VSTM2A: variants seen among roughly 807,000 people sequenced by gnomAD.
VSTM2A encodes the protein V-set and transmembrane domain-containing protein 2A.
A neutral mutation model predicts 27.3 loss-of-function variants in VSTM2A; 13 were observed. That is an observed-to-expected ratio of 0.48 (90% CI 0.31 to 0.76). VSTM2A has a LOEUF of 0.76. Among genes scored for constraint, VSTM2A ranks in the 30% least tolerant of loss-of-function variants. The pLI is 0.05. For synonymous variants in VSTM2A, 142 were observed against 125.7 expected, an observed-to-expected ratio of 1.13 and a Z score of -0.87; for missense variants, 280 against 310.0, an observed-to-expected ratio of 0.90 and a Z score of 0.73.
At chr7:54,546,916 G>T (rs1314450388) in intron 2 of VSTM2A, 31 bp from the exon 3 acceptor site, 1 of 1,597,324 alleles carries the variant, frequency 6.3e-7, no homozygotes. Context: ...CGGGCCTGGC[G>T]CGGGACTGAG....
intron 4 of VSTM2A, chr7:54,559,944 GAAAA>G (rs557080144): frequency 6.6e-6 from 1 of 151,686 alleles, no homozygotes; most frequent in East Asian, 1.9e-4. Context: ...AAAAATAAAA[GAAAA>G]AAAGAAAATG....
rs747010934 is a variant in VSTM2A, at chr7:54,546,956, T to G, written c.256T>G (p.Leu86Val). Residue 86 changes from leucine (L) to valine (V), a missense_variant, in exon 3 of 5, where the codon TTG (leucine) becomes GTG (valine). Leu to Val is a conservative substitution (Grantham distance 32, BLOSUM62 1). Coordinates refer to ENST00000402613, the MANE Select transcript of VSTM2A (RefSeq NM_001301009.2). The stretch of plus-strand genomic sequence containing the variant: ...CGCTCCTTGCCCGCAGGTGGAGCTC[T>G]TGCCCGACAGAGACCCGGACAGCGA... ...AEGAGAQVEL[L>V]PDRDPDSDGT... is the part of the protein sequence containing the mutation. 5.0e-6 allele frequency: 8 copies of G among 1,597,572 alleles called. No individual in the cohort carries two copies. The East Asian group carries it at 1.9e-4, about 37-fold the overall frequency.
intron 2 of VSTM2A, among the ~76,000 whole-genome samples, chr7:54,545,161 A>G (rs490207): frequency 0.28 from 41,807 of 147,988 alleles, 5,925 homozygotes; most frequent in African/African-American, 0.33. Flanking sequence ...TCCACCCCCC[A>G]CCCCACCCCC....
At chr7:54,544,028 C>T (rs946951072) in intron 1 of VSTM2A, among the ~76,000 whole-genome samples, 1 of 152,112 alleles carries the variant, frequency 6.6e-6, no homozygotes, top group Non-Finnish European at 1.5e-5. Context: ...AATACAGTGA[C>T]TTGATGGGAA....
Position 54,569,406 on chromosome 7 carries a change from A to C in VSTM2A, c.*187A>C. On this transcript the variant is annotated 3_prime_UTR_variant, in exon 5 of 5. Transcript: ENST00000402613. ...TTCTTTCGGCGACTAAAATCATCTC[A>C]CTGACTGCTCAAGGGTTGGCCTGAA... is the stretch of plus-strand genomic sequence containing the variant. 7 of 1,028,442 alleles carry C rather than the reference A, an allele frequency of 6.8e-6. No homozygotes were observed. The highest frequency in any genetic ancestry group is 9.6e-6 in the Non-Finnish European group (7 of 730,528). The allele number at this position is 1,028,442 out of a possible 1,614,324, so 63.7% of individuals were successfully genotyped here. A position where few individuals can be genotyped will look rare whatever the true frequency, so the allele number is the denominator to read the frequency against.
chr7:54,544,440 T>C (rs1394699959), intron 1 of VSTM2A, among the ~76,000 whole-genome samples, 182 bp from the exon 2 acceptor site: 1 of 152,126 alleles, frequency 6.6e-6, no homozygotes, highest in Non-Finnish European at 1.5e-5. Context: ...TTAGGTATGA[T>C]ACCAAAAGTT....
At chr7:54,548,958 T>C (rs1447478295) in intron 3 of VSTM2A, among the ~76,000 whole-genome samples, 1 of 151,214 alleles carries the variant, frequency 6.6e-6, no homozygotes, top group East Asian at 1.9e-4. Flanking sequence ...GTCTCAGTTA[T>C]GAAGAACATA....
chr7:54,554,258 C>T (rs79014739), intron 4 of VSTM2A, among the ~76,000 whole-genome samples: 2,827 of 152,216 alleles, frequency 0.019, 85 homozygotes, highest in African/African-American at 0.064. Flanking sequence ...TATTTACTGG[C>T]TCCTAGCATT....
chr7:54,554,041 C>T, intron 4 of VSTM2A: 1 of 1,553,022 alleles, frequency 6.4e-7, no homozygotes, highest in Non-Finnish European at 8.7e-7. Context: ...GGATCAACCC[C>T]TGGTGTGCAG....
At chr7:54,565,477 G>A (rs11982485) in intron 4 of VSTM2A, among the ~76,000 whole-genome samples, 53 of 152,352 alleles carry the variant, frequency 3.5e-4, no homozygotes, top group Non-Finnish European at 6.8e-4. Context: ...GGAAAAAATG[G>A]TAGCACAGAC....
chr7:54,542,866 A>G (rs1787830131), intron 1 of VSTM2A, 57 bp downstream of exon 1: 2 of 1,510,306 alleles, frequency 1.3e-6, no homozygotes, highest in Non-Finnish European at 1.8e-6. Context: ...TGTTTCCTAC[A>G]CTCAAAAAGA....
At chr7:54,545,050 A>G (rs1787901165) in intron 2 of VSTM2A, among the ~76,000 whole-genome samples, 1 of 152,182 alleles carries the variant, frequency 6.6e-6, no homozygotes. Context: ...TCTGGTACTT[A>G]GGCAGATGCC....
At chr7:54,563,222 A>G (rs892040982) in intron 4 of VSTM2A, among the ~76,000 whole-genome samples, 8 of 152,296 alleles carry the variant, frequency 5.3e-5, no homozygotes, top group Non-Finnish European at 8.8e-5. Flanking sequence ...TATGATGCAA[A>G]TATTTGTACC....
In VSTM2A at chr7:54,569,225, T is replaced by G. The variant is rs1788818247; in HGVS notation, c.*6T>G. 6.4e-7 allele frequency: 1 copy of G among 1,551,530 alleles called. No homozygotes were observed. The highest frequency in any genetic ancestry group is 1.4e-5 in the African/African-American group (1 of 73,052). On this transcript the variant is annotated 3_prime_UTR_variant, in exon 5 of 5. Transcript: ENST00000402613. ...CTGCACCCACTGTACTCTAATTCAC[T>G]ACACAAGGAGCGCCTGCTTCCGGAA... is the stretch of plus-strand genomic sequence containing the variant.
At chr7:54,544,047 G>A (rs889292943) in intron 1 of VSTM2A, among the ~76,000 whole-genome samples, 2 of 152,186 alleles carry the variant, frequency 1.3e-5, no homozygotes, top group African/African-American at 4.8e-5. Context: ...AACAAATAAA[G>A]GTTAATTTGG....
chr7:54,567,786 A>C (rs1209085069), intron 4 of VSTM2A, among the ~76,000 whole-genome samples: 1 of 152,068 alleles, frequency 6.6e-6, no homozygotes, highest in African/African-American at 2.4e-5. Flanking sequence ...CATTAAATGA[A>C]TCCCTGTCAA....
chr7:54,542,499 C>T lies in VSTM2A; in HGVS notation c.-232C>T, dbSNP rs1400743243. 9.3e-6 allele frequency: 5 copies of T among 540,370 alleles called. No individual in the cohort carries two copies. Among genetic ancestry groups the T allele is most frequent in the African/African-American group, 1.9e-5 (1 of 51,852 alleles). 33.5% of individuals were successfully genotyped at this position (540,370 alleles called of 1,614,324 possible). A position where few individuals can be genotyped will look rare whatever the true frequency, so the allele number is the denominator to read the frequency against. Reference sequence around the variant, plus strand: ...GCCAGGCAGCCGAGACACTTCCCAGCGATTCCAGCCTGGGCTCCGCAGGAA... The same window carrying T: ...GCCAGGCAGCCGAGACACTTCCCAGTGATTCCAGCCTGGGCTCCGCAGGAA... On this transcript the variant is annotated 5_prime_UTR_variant, in exon 1 of 5. Coordinates refer to ENST00000402613, the MANE Select transcript of VSTM2A (RefSeq NM_001301009.2).
At chr7:54,546,360 C>G (rs1002020678) in intron 2 of VSTM2A, 61 of 164,968 alleles carry the variant, frequency 3.7e-4, no homozygotes, top group African/African-American at 1.4e-3. Context: ...GAAGGGGGTC[C>G]GGGCGAGGGA....
chr7:54,546,679 G>GCCGGGACAGCC (rs1469273526), intron 2 of VSTM2A: 3 of 259,776 alleles, frequency 1.2e-5, no homozygotes, highest in South Asian at 7.1e-5. Context: ...CAGGGACAGC[G>GCCGGGACAGCC]CCGGGACAGC....
Sources: gnomAD v4.1 joint callset for allele counts (sites outside exome capture counted in the v4.1 genomes callset) on GRCh38, gnomAD v4.1.1 for gene constraint, MANE v1.5 for transcripts, NCBI Gene and HGNC (gene_info 2026-07-23, HGNC 2026-07-21) for gene names.